Variants in ERCC6 observed in about 807,000 individuals in gnomAD.
ERCC6 encodes the protein ERCC excision repair 6, chromatin remodeling factor, also known as DNA excision repair protein ERCC-6.
In ERCC6, 116 loss-of-function variants were observed where a neutral mutation model predicts 158.7. The ratio of observed to expected loss-of-function variants is 0.73; its 90% CI spans 0.63 to 0.85. The LOEUF is 0.85. ERCC6 is among the 40% of genes least tolerant of loss of function. The pLI is 0.00. For missense variants in ERCC6, 1,698 were observed against 1,799.4 expected, an observed-to-expected ratio of 0.94 and a Z score of 1.02; for synonymous variants, 678 against 659.3, an observed-to-expected ratio of 1.03 and a Z score of -0.43.
intron 2 of ERCC6, 22 bp downstream of exon 2, chr10:49,532,521 G>C: frequency 6.2e-7 from 1 of 1,612,392 alleles, no homozygotes; most frequent in Admixed American, 1.7e-5. Flanking sequence ...ACTTTGAAAG[G>C]AAGAAGATGG....
At chr10:49,489,849 C>T (rs79248189) in intron 8 of ERCC6, among the ~76,000 whole-genome samples, 1,593 of 152,276 alleles carry the variant, frequency 0.01, 24 homozygotes, top group African/African-American at 0.036. Flanking sequence ...TTTATCTCTT[C>T]ATTTACTACA....
In ERCC6 at chr10:49,472,472, T is replaced by C. The variant is rs373227647; in HGVS notation, c.2830-2A>G. ...TATTCTCCATGCTCGCTCCCGGGCC[T>C]GCAACAGAGAGAGAGAGACCTCTCA... On this transcript the variant is annotated splice_acceptor_variant, in intron 15 of 20. Transcript: ENST00000355832. LOFTEE classifies it high-confidence loss of function. The C allele has an allele frequency of 2.5e-5, 41 of 1,613,794 alleles. No homozygotes were observed. The highest frequency in any genetic ancestry group is 3.1e-5 in the Non-Finnish European group (37 of 1,179,932).
At position 49,455,529 on chromosome 10, in the gene ERCC6, G is replaced by A. The variant is rs566697477; in HGVS notation, c.*3286C>T. ...AAAGCACCAAATGACAGCGTGAGGAGTGTGGTTGGTAGAACCAACACCTGG... is the reference window on the plus strand; with the variant it reads ...AAAGCACCAAATGACAGCGTGAGGAATGTGGTTGGTAGAACCAACACCTGG... On this transcript the variant is annotated 3_prime_UTR_variant, in exon 21 of 21. Transcript: ENST00000355832. 1 of 152,358 alleles carries A rather than the reference G, an allele frequency of 6.6e-6. No individual in the cohort carries two copies. The highest frequency in any genetic ancestry group is 2.1e-4 in the South Asian group (1 of 4,832). The allele number at this position is 152,358 out of a possible 1,614,324, so 9.4% of individuals were successfully genotyped here. A position where few individuals can be genotyped will look rare whatever the true frequency, so the allele number is the denominator to read the frequency against.
At position 49,516,241 on chromosome 10, in the gene ERCC6, G is replaced by A. The variant is rs752059083; in HGVS notation, c.1397+7792C>T. 6.3e-5 allele frequency: 102 copies of A among 1,614,022 alleles called. No individual in the cohort carries two copies. Among genetic ancestry groups the A allele is most frequent in the Non-Finnish European group, 7.0e-5 (83 of 1,180,036 alleles). On this transcript the variant is annotated intron_variant, in intron 5 of 20. Coordinates refer to ENST00000355832, the MANE Select transcript of ERCC6 (RefSeq NM_000124.4). ...CCACACCAAAACTTATAGCCAAACC[G>A]AATGGGCTTTCCCCGAATAAATTGT...
the ERCC6 span, among the ~76,000 whole-genome samples, chr10:49,438,833 G>A: frequency 6.6e-6 from 1 of 152,134 alleles, no homozygotes; most frequent in Non-Finnish European, 1.5e-5. Flanking sequence ...AAACAAAAGG[G>A]TTTCAGGACC....
intron 20 of ERCC6, 104 bp from the exon 21 acceptor site, chr10:49,459,338 G>T: frequency 1.6e-6 from 2 of 1,277,106 alleles, no homozygotes; most frequent in Non-Finnish European, 2.2e-6. Flanking sequence ...CATGTGCCAG[G>T]GTGGTGAGGT....
chr10:49,506,796 T>C (rs1265095873), intron 5 of ERCC6, among the ~76,000 whole-genome samples: 2 of 151,916 alleles, frequency 1.3e-5, no homozygotes, highest in East Asian at 3.9e-4. Flanking sequence ...TGGACTCTAG[T>C]TGTCGTGAGT....
intron 3 of ERCC6, among the ~76,000 whole-genome samples, 165 bp from the exon 4 acceptor site, chr10:49,528,690 G>A (rs182887307): frequency 1.1e-4 from 16 of 152,296 alleles, no homozygotes; most frequent in African/African-American, 3.6e-4. Context: ...CCCTATGTGA[G>A]CAACTACCAC....
the ERCC6 span, among the ~76,000 whole-genome samples, chr10:49,442,111 C>T: frequency 6.6e-6 from 1 of 152,188 alleles, no homozygotes; most frequent in Non-Finnish European, 1.5e-5. Flanking sequence ...AGCTGAATCG[C>T]CAGAACTGCA....
chr10:49,447,781 T>C, the ERCC6 span, among the ~76,000 whole-genome samples: 1 of 152,102 alleles, frequency 6.6e-6, no homozygotes, highest in Non-Finnish European at 1.5e-5. Context: ...ATCTGCTTTC[T>C]GTCTATAGAA....
intron 5 of ERCC6, among the ~76,000 whole-genome samples, chr10:49,511,789 C>T (rs1015914047): frequency 1.3e-5 from 2 of 152,062 alleles, no homozygotes; most frequent in Admixed American, 1.3e-4. Flanking sequence ...TAGAAGAGAA[C>T]CCAACAACAG....
chr10:49,486,053 C>G (rs546562185), intron 8 of ERCC6, among the ~76,000 whole-genome samples: 2 of 152,052 alleles, frequency 1.3e-5, no homozygotes, highest in Admixed American at 6.5e-5. Context: ...AAGGAGTGAA[C>G]AGAAAGAGGG....
At chr10:49,440,122 T>C in the ERCC6 span, among the ~76,000 whole-genome samples, 9 of 152,204 alleles carry the variant, frequency 5.9e-5, no homozygotes, top group African/African-American at 2.2e-4. Context: ...TTCAGCAACA[T>C]TCCATTCTAC....
intron 1 of ERCC6, among the ~76,000 whole-genome samples, chr10:49,537,502 T>TATAC (rs1554795255): frequency 1.6e-5 from 2 of 128,806 alleles, no homozygotes; most frequent in African/African-American, 5.5e-5. Context: ...TATATATATA[T>TATAC]ACACATACAC....
intron 9 of ERCC6, 126 bp downstream of exon 9, chr10:49,483,220 T>C: frequency 2.9e-6 from 3 of 1,033,996 alleles, no homozygotes; most frequent in East Asian, 2.5e-5. Context: ...AAAATGCACA[T>C]TTTAAATTTC....
At chr10:49,462,139 G>A (rs1455764846) in intron 18 of ERCC6, among the ~76,000 whole-genome samples, 4 of 152,194 alleles carry the variant, frequency 2.6e-5, no homozygotes, top group African/African-American at 9.6e-5. Flanking sequence ...AATAAAACAC[G>A]CTCCAATTAC....
chr10:49,505,989 TG>T lies in ERCC6; in HGVS notation c.1420del (p.Gln474ArgfsTer7). The T allele has an allele frequency of 6.2e-7, 1 of 1,613,394 alleles. No individual in the cohort carries two copies. The highest frequency in any genetic ancestry group is 8.5e-7 in the Non-Finnish European group (1 of 1,179,506). ...CAGCTTCAGACGTTTCTCTTTGTCC[TG>T]CAGTCTCAGTTTATTCCATCTCCTA... is the stretch of plus-strand genomic sequence containing the variant. ...RLRRWNKLRLQDKEKRLKLED... is the reference protein window; with the variant it reads ...RLRRWNKLRLXDKEKRLKLED... On this transcript the variant is annotated frameshift_variant, in exon 6 of 21. Coordinates refer to ENST00000355832, the MANE Select transcript of ERCC6 (RefSeq NM_000124.4). LOFTEE classifies it high-confidence loss of function.
chr10:49,454,424 T>G (rs978093478), downstream of ERCC6, among the ~76,000 whole-genome samples: 6 of 151,624 alleles, frequency 4.0e-5, no homozygotes, highest in Non-Finnish European at 5.9e-5. Flanking sequence ...AGGGAGGGAG[T>G]GAGTGTGTTG....
intron 5 of ERCC6, 193 bp from the exon 6 acceptor site, chr10:49,506,205 T>C: frequency 1.6e-6 from 1 of 620,938 alleles, no homozygotes; most frequent in Non-Finnish European, 2.8e-6. Flanking sequence ...TCAATTCATT[T>C]CTTATGTAAA....
Sources: allele counts gnomAD v4.1 joint callset (sites outside exome capture counted in the v4.1 genomes callset), GRCh38; gene constraint gnomAD v4.1.1; transcripts MANE v1.5; gene names NCBI Gene and HGNC (gene_info 2026-07-23, HGNC 2026-07-21).